Variants in MTHFD2L observed in about 807,000 individuals in gnomAD.
MTHFD2L encodes the protein methylenetetrahydrofolate dehydrogenase (NADP+ dependent) 2 like.
Under a neutral mutation model 34.9 loss-of-function variants are expected in MTHFD2L, and 29 were observed. That is an observed-to-expected ratio of 0.83 (90% CI 0.62 to 1.13). The LOEUF (loss-of-function observed/expected upper bound fraction) is 1.13, where lower values mean the gene tolerates loss of function less well. Ranked by LOEUF, MTHFD2L falls within the 50% of genes most tolerant of loss-of-function variation. MTHFD2L has a pLI of 0.00. For synonymous variants in MTHFD2L, 167 were observed against 155.7 expected (o/e 1.07, Z -0.54); for missense variants, 481 against 446.5 (o/e 1.08, Z -0.70).
At chr4:74,152,608 T>C (rs991832185) in intron 1 of MTHFD2L, among the ~76,000 whole-genome samples, 3 of 152,134 alleles carry the variant, frequency 2.0e-5, no homozygotes, top group African/African-American at 7.2e-5. Context: ...GCTGCACCTA[T>C]CAACCCATCA....
At chr4:74,128,499 G>T (rs1341062564) in intron 1 of MTHFD2L, among the ~76,000 whole-genome samples, 1 of 151,872 alleles carries the variant, frequency 6.6e-6, no homozygotes, top group Non-Finnish European at 1.5e-5. Flanking sequence ...TCTATTCTTG[G>T]TGTCTTTGTA....
At chr4:74,197,163 G>A (rs891465778) in intron 3 of MTHFD2L, among the ~76,000 whole-genome samples, 1 of 152,056 alleles carries the variant, frequency 6.6e-6, no homozygotes, top group Non-Finnish European at 1.5e-5. Flanking sequence ...ATTCATTTGG[G>A]TAAGATATTA....
intron 6 of MTHFD2L, among the ~76,000 whole-genome samples, chr4:74,260,629 G>A (rs1033580768): frequency 2.0e-5 from 3 of 151,880 alleles, no homozygotes; most frequent in African/African-American, 7.3e-5. Flanking sequence ...AATCATTTGT[G>A]TCTTGTGAAG....
intron 6 of MTHFD2L, among the ~76,000 whole-genome samples, chr4:74,256,090 A>T (rs1046972580): frequency 6.6e-6 from 1 of 152,206 alleles, no homozygotes; most frequent in African/African-American, 2.4e-5. Context: ...TGCTTTCCAC[A>T]GTGGCTAAAC....
At chr4:74,148,917 C>A (rs538091057) in intron 1 of MTHFD2L, among the ~76,000 whole-genome samples, 8 of 151,878 alleles carry the variant, frequency 5.3e-5, no homozygotes, top group African/African-American at 1.9e-4. Context: ...ATTTCTTAGG[C>A]CCCTTTGCTT....
intron 3 of MTHFD2L, among the ~76,000 whole-genome samples, chr4:74,199,540 T>G (rs1734050471): frequency 6.6e-6 from 1 of 152,104 alleles, no homozygotes; most frequent in Non-Finnish European, 1.5e-5. Flanking sequence ...TCACAATTTT[T>G]TTTCTTTCAC....
intron 1 of MTHFD2L, among the ~76,000 whole-genome samples, chr4:74,139,503 G>T (rs1033453799): frequency 6.6e-6 from 1 of 152,136 alleles, no homozygotes; most frequent in African/African-American, 2.4e-5. Flanking sequence ...CTGATCTCCT[G>T]CCAGAGAGCC....
At chr4:74,292,867 A>G (rs933440447) in intron 7 of MTHFD2L, among the ~76,000 whole-genome samples, 3 of 151,898 alleles carry the variant, frequency 2.0e-5, no homozygotes, top group Admixed American at 2.0e-4. Context: ...TATTATTATT[A>G]TACTTTAAGT....
At chr4:74,174,777 A>C in intron 2 of MTHFD2L, 87 bp downstream of exon 2, 1 of 945,396 alleles carries the variant, frequency 1.1e-6, no homozygotes, top group Non-Finnish European at 1.5e-6. Context: ...ATAATTATCA[A>C]ATAAGTGCCA....
chr4:74,273,554 G>A (rs997707702), intron 6 of MTHFD2L, among the ~76,000 whole-genome samples: 2 of 152,066 alleles, frequency 1.3e-5, no homozygotes, highest in Non-Finnish European at 2.9e-5. Flanking sequence ...TATGTTCTAA[G>A]GCACCTCTCA....
intron 6 of MTHFD2L, among the ~76,000 whole-genome samples, chr4:74,277,643 A>G (rs1170255661): frequency 6.6e-6 from 1 of 152,106 alleles, no homozygotes; most frequent in Non-Finnish European, 1.5e-5. Flanking sequence ...TTATCCTTAG[A>G]ATATTCTTTA....
chr4:74,228,833 G>A (rs1478491777), intron 6 of MTHFD2L, among the ~76,000 whole-genome samples: 1 of 152,186 alleles, frequency 6.6e-6, no homozygotes, highest in Non-Finnish European at 1.5e-5. Context: ...CAAGCTTTAG[G>A]TGTGGTGGGT....
chr4:74,248,026 T>C (rs1742741040), intron 6 of MTHFD2L, among the ~76,000 whole-genome samples: 1 of 152,206 alleles, frequency 6.6e-6, no homozygotes, highest in African/African-American at 2.4e-5. Flanking sequence ...CCTCTTTTTC[T>C]ATTGAATGGA....
intron 1 of MTHFD2L, among the ~76,000 whole-genome samples, chr4:74,129,950 A>G (rs1722353035): frequency 6.6e-6 from 1 of 152,190 alleles, no homozygotes; most frequent in South Asian, 2.1e-4. Flanking sequence ...AGAGAATACT[A>G]TAAACACCTC....
At position 74,225,373 on chromosome 4, in the gene MTHFD2L, G is replaced by A; in HGVS notation, c.784G>A (p.Asp262Asn). ...EQLKIHTQLADIIIVAAGIPK... is the reference protein window; with the variant it reads ...EQLKIHTQLANIIIVAAGIPK... ...ACTGAAGATTCATACGCAGCTGGCAGATATTATCATAGTTGCTGCAGGTAA... is the reference window on the plus strand; with the variant it reads ...ACTGAAGATTCATACGCAGCTGGCAAATATTATCATAGTTGCTGCAGGTAA... The change falls in exon 6 of 8, where the codon GAT becomes AAT. Residue 262 changes from aspartate (D) to asparagine (N), a missense_variant. Coordinates refer to ENST00000325278, the MANE Select transcript of MTHFD2L (RefSeq NM_001144978.3). 6.2e-7 allele frequency: 1 copy of A among 1,613,010 alleles called. No individual in the cohort carries two copies. The highest frequency in any genetic ancestry group is 1.1e-5 in the South Asian group (1 of 91,014).
intron 3 of MTHFD2L, among the ~76,000 whole-genome samples, chr4:74,184,572 G>A (rs896055850): frequency 1.7e-4 from 26 of 151,938 alleles, no homozygotes; most frequent in Non-Finnish European, 2.9e-5. Context: ...AAAAATTATA[G>A]CCATGTTTCA....
chr4:74,208,983 C>T (rs1360238041), intron 5 of MTHFD2L, among the ~76,000 whole-genome samples: 6 of 151,994 alleles, frequency 3.9e-5, no homozygotes, highest in African/African-American at 1.5e-4. Context: ...TAAGGGTCCC[C>T]GGCAGAAGGG....
intron 6 of MTHFD2L, among the ~76,000 whole-genome samples, chr4:74,251,248 G>A (rs910598376): frequency 6.6e-6 from 1 of 152,162 alleles, no homozygotes; most frequent in African/African-American, 2.4e-5. Context: ...TCAGTGTAAT[G>A]CAAAACTTGC....
chr4:74,195,700 C>T (rs1733346467), intron 3 of MTHFD2L: 2 of 152,342 alleles, frequency 1.3e-5, no homozygotes, highest in Non-Finnish European at 2.9e-5. Context: ...AACATGTGCC[C>T]AAGGTAGTTG....
Sources: gnomAD v4.1 joint callset for allele counts (sites outside exome capture counted in the v4.1 genomes callset) on GRCh38, gnomAD v4.1.1 for gene constraint, MANE v1.5 for transcripts, NCBI Gene and HGNC (gene_info 2026-07-23, HGNC 2026-07-21) for gene names.